UBXN11: variants seen among roughly 807,000 people sequenced by gnomAD.
The protein encoded by UBXN11 is UBX domain-containing protein 11.
In UBXN11, 47 loss-of-function variants were observed where a neutral mutation model predicts 62.8. The ratio of observed to expected loss-of-function variants is 0.75; its 90% CI spans 0.59 to 0.95. UBXN11 has a LOEUF of 0.95. UBXN11 is among the 40% of genes least tolerant of loss of function. UBXN11 has a pLI of 0.00. For synonymous variants in UBXN11, 294 were observed against 267.0 expected, an observed-to-expected ratio of 1.10 and a Z score of -0.99; for missense variants, 638 against 661.7, an observed-to-expected ratio of 0.96 and a Z score of 0.39.
intron 8 of UBXN11, among the ~76,000 whole-genome samples, chr1:26,286,802 G>A (rs1035705190): frequency 9.2e-5 from 14 of 152,030 alleles, no homozygotes; most frequent in African/African-American, 3.1e-4. Flanking sequence ...GGGTTCAAGC[G>A]ATTCTCCTAT....
intron 10 of UBXN11, chr1:26,284,750 C>G: frequency 8.0e-7 from 1 of 1,243,426 alleles, no homozygotes; most frequent in Non-Finnish European, 1.0e-6. Context: ...AGGAGCCTAC[C>G]GTGAAGGCAG....
intron 8 of UBXN11, among the ~76,000 whole-genome samples, chr1:26,291,270 G>A (rs1323499414): frequency 6.6e-6 from 1 of 152,230 alleles, no homozygotes; most frequent in Non-Finnish European, 1.5e-5. Flanking sequence ...GGTGGCACCT[G>A]GGGAGAGAGG....
At chr1:26,308,938 T>TC (rs1380237563), upstream of UBXN11, among the ~76,000 whole-genome samples, 1 of 144,424 alleles carries the variant, frequency 6.9e-6, no homozygotes, top group Admixed American at 6.9e-5. Flanking sequence ...TCGTTTGATT[T>TC]TTTTTTTTTT....
intron 12 of UBXN11, among the ~76,000 whole-genome samples, chr1:26,283,833 C>T (rs1306073462): frequency 1.3e-5 from 2 of 152,182 alleles, no homozygotes; most frequent in Non-Finnish European, 2.9e-5. Context: ...GAGGCAACCA[C>T]GAAGGGAGTA....
At chr1:26,298,609 T>C (rs1365935451) in intron 4 of UBXN11, among the ~76,000 whole-genome samples, 1 of 151,850 alleles carries the variant, frequency 6.6e-6, no homozygotes, top group Non-Finnish European at 1.5e-5. Flanking sequence ...CTGGCCAACA[T>C]GGTGAAACCC....
chr1:26,310,396 G>T (rs771953466), upstream of UBXN11, among the ~76,000 whole-genome samples: 22 of 152,142 alleles, frequency 1.4e-4, no homozygotes, highest in Non-Finnish European at 3.1e-4. Context: ...AAATCAGCCA[G>T]GTGTGGTGGC....
chr1:26,300,576 G>A (rs991760983), intron 4 of UBXN11, among the ~76,000 whole-genome samples: 3 of 152,184 alleles, frequency 2.0e-5, no homozygotes, highest in African/African-American at 7.2e-5. Context: ...AGACTGTCTA[G>A]GCGACTTTGG....
chr1:26,297,393 G>A (rs1240830419), intron 6 of UBXN11, 34 bp downstream of exon 6: 5 of 1,505,774 alleles, frequency 3.3e-6, no homozygotes, highest in Admixed American at 4.8e-5. Context: ...GTGCCTGACT[G>A]GGGGCGCAGG....
intron 1 of UBXN11, among the ~76,000 whole-genome samples, chr1:26,315,817 A>G (rs2073785301): frequency 6.6e-6 from 1 of 151,972 alleles, no homozygotes. Context: ...GTGCCAGCAC[A>G]CCTGGCTAAT....
At chr1:26,299,623 A>G (rs2073480264) in intron 4 of UBXN11, among the ~76,000 whole-genome samples, 1 of 152,106 alleles carries the variant, frequency 6.6e-6, no homozygotes, top group Non-Finnish European at 1.5e-5. Context: ...CTTGGTGCCT[A>G]AGAGCTTGGT....
chr1:26,282,938 C>T lies in UBXN11; in HGVS notation c.1078-1G>A, dbSNP rs201128406. On this transcript the variant is annotated splice_acceptor_variant, in intron 12 of 14. Transcript: ENST00000374222. LOFTEE classifies it high-confidence loss of function. The stretch of plus-strand genomic sequence containing the variant: ...TCCGGGCAGGCAATGGGCAGCAGTT[C>T]TGGAAGGTATCAGTGGAGGGTGGAC... 6.2e-7 allele frequency: 1 copy of T among 1,614,048 alleles called. No homozygotes were observed. The highest frequency in any genetic ancestry group is 1.3e-5 in the African/African-American group (1 of 74,922).
chr1:26,313,996 G>A (rs1451552927), intron 1 of UBXN11, among the ~76,000 whole-genome samples: 1 of 151,864 alleles, frequency 6.6e-6, no homozygotes, highest in African/African-American at 2.4e-5. Context: ...TAGCCAGGAT[G>A]GTCTCGATCT....
In UBXN11 at chr1:26,315,788, T is replaced by C. The variant is rs546471809; in HGVS notation, c.-149+2259A>G. Among the ~76,000 whole-genome samples the C allele has an allele frequency of 3.3e-5, 5 of 151,878 alleles. No individual in the cohort carries two copies. In the East Asian group the frequency reaches 9.7e-4, roughly 30 times the overall value. On this transcript the variant is annotated intron_variant, in intron 1 of 14. Coordinates refer to the UBXN11 transcript ENST00000374217. ...GATTCTCCTGCCTCAGCCTCCCGAGTAGCTGGGATTACAGGCATGTGCCAG... is the reference window on the plus strand; with the variant it reads ...GATTCTCCTGCCTCAGCCTCCCGAGCAGCTGGGATTACAGGCATGTGCCAG...
intron 4 of UBXN11, among the ~76,000 whole-genome samples, chr1:26,300,322 C>G (rs1265501954): frequency 2.0e-5 from 3 of 152,186 alleles, no homozygotes; most frequent in Admixed American, 6.5e-5. Flanking sequence ...GCCTCAGAGA[C>G]AGAGAGATGC....
At chr1:26,284,688 C>G in intron 10 of UBXN11, 1 of 1,345,010 alleles carries the variant, frequency 7.4e-7, no homozygotes, top group Non-Finnish European at 9.6e-7. Flanking sequence ...AGCACCCCAT[C>G]CACGCCAGCT....
intron 12 of UBXN11, among the ~76,000 whole-genome samples, chr1:26,283,596 CA>C (rs2073054469): frequency 6.6e-6 from 1 of 152,138 alleles, no homozygotes; most frequent in African/African-American, 2.4e-5. Flanking sequence ...CTGGGAGAGA[CA>C]CTCTGAACCC....
At chr1:26,294,400 GC>G (rs1271009323) in intron 7 of UBXN11, 69 bp from the exon 8 acceptor site, 1 of 1,578,526 alleles carries the variant, frequency 6.3e-7, no homozygotes, top group African/African-American at 1.3e-5. Flanking sequence ...GGCAGTGTCA[GC>G]CCAAAGCCCA....
At chr1:26,309,629 A>T (rs139437642), upstream of UBXN11, among the ~76,000 whole-genome samples, 338 of 152,320 alleles carry the variant, frequency 2.2e-3, 2 homozygotes, top group African/African-American at 7.5e-3. Flanking sequence ...CTTGGAAAAT[A>T]ATAAGAGCCA....
chr1:26,313,920 A>G (rs1449771820), intron 1 of UBXN11, among the ~76,000 whole-genome samples: 1 of 151,698 alleles, frequency 6.6e-6, no homozygotes, highest in African/African-American at 2.4e-5. Flanking sequence ...AGCTGGGACT[A>G]CAGGTGCCCG....
Sources: gnomAD v4.1 joint callset for allele counts (sites outside exome capture counted in the v4.1 genomes callset) on GRCh38, gnomAD v4.1.1 for gene constraint, MANE v1.5 for transcripts, NCBI Gene and HGNC (gene_info 2026-07-23, HGNC 2026-07-21) for gene names.